RNF38: variants seen among roughly 807,000 people sequenced by gnomAD.
RNF38 encodes ring finger protein 38.
In RNF38, 15 loss-of-function variants were observed where a neutral mutation model predicts 67.2. The ratio of observed to expected loss-of-function variants is 0.22; its 90% CI spans 0.15 to 0.34. RNF38 has a LOEUF of 0.34. RNF38 is among the 10% of genes least tolerant of loss of function. RNF38 has a pLI of 1.00. For missense variants in RNF38, 524 were observed against 639.9 expected (o/e 0.82, Z 1.95); for synonymous variants, 220 against 218.8 (o/e 1.01, Z -0.05).
intron 1 of RNF38, among the ~76,000 whole-genome samples, chr9:36,483,483 T>C (rs1044398924): frequency 6.6e-6 from 1 of 152,102 alleles, no homozygotes; most frequent in Admixed American, 6.6e-5. Flanking sequence ...CTTCACAAAT[T>C]TCACTATCAG....
intron 2 of RNF38, among the ~76,000 whole-genome samples, chr9:36,378,657 G>A (rs1037134491): frequency 1.3e-5 from 2 of 152,110 alleles, no homozygotes; most frequent in African/African-American, 4.8e-5. Flanking sequence ...CACGATAAAG[G>A]TCAAATGACC....
At chr9:36,419,620 T>C (rs765843337) in intron 2 of RNF38, among the ~76,000 whole-genome samples, 1 of 152,158 alleles carries the variant, frequency 6.6e-6, no homozygotes, top group Non-Finnish European at 1.5e-5. Flanking sequence ...ACTGTGAAAA[T>C]GTGACTATTT....
chr9:36,357,251 C>A (rs1179636171), intron 5 of RNF38, among the ~76,000 whole-genome samples: 1 of 152,138 alleles, frequency 6.6e-6, no homozygotes, highest in Non-Finnish European at 1.5e-5. Context: ...GTCTCTACGG[C>A]ACTGAGCAAG....
chr9:36,425,895 G>A (rs561189184), intron 1 of RNF38, among the ~76,000 whole-genome samples: 9 of 152,174 alleles, frequency 5.9e-5, no homozygotes, highest in African/African-American at 7.2e-5. Flanking sequence ...ACGGGGTTTC[G>A]CCATGTTGGT....
chr9:36,415,174 A>T (rs1001209575), intron 2 of RNF38, among the ~76,000 whole-genome samples: 3 of 152,090 alleles, frequency 2.0e-5, no homozygotes, highest in African/African-American at 7.2e-5. Flanking sequence ...CCTCAACAAC[A>T]CCAATTATTC....
intron 1 of RNF38, among the ~76,000 whole-genome samples, chr9:36,438,133 G>T (rs1839112674): frequency 1.3e-5 from 2 of 152,266 alleles, no homozygotes; most frequent in Admixed American, 6.5e-5. Context: ...CAGAGACAGG[G>T]TCTATGTTGC....
intron 1 of RNF38, among the ~76,000 whole-genome samples, chr9:36,476,072 T>C (rs1338616536): frequency 1.3e-5 from 2 of 151,636 alleles, no homozygotes; most frequent in Non-Finnish European, 2.9e-5. Context: ...TAGATAATAG[T>C]TTACAATTAA....
rs1382580347 is a variant in RNF38, at chr9:36,365,671, T to TTG, written c.570+4047_570+4048insCA. Among the ~76,000 whole-genome samples the TTG allele has an allele frequency of 7.6e-4, 108 of 141,814 alleles. 1 individual carries two copies. Among genetic ancestry groups the TTG allele is most frequent in the Non-Finnish European group, 1.1e-3 (70 of 64,760 alleles). The allele number at this position is 141,814 out of a possible 152,430, so 93.0% of individuals were successfully genotyped here. A position where few individuals can be genotyped will look rare whatever the true frequency, so the allele number is the denominator to read the frequency against. ...TTTGTTAAGACTGATAGTTTTTTTT[T>TTG]TTTTTTTTTTTTGAGACGGAGCCTT... On this transcript the variant is annotated intron_variant, in intron 4 of 11. Transcript: ENST00000259605.
At chr9:36,395,250 A>G (rs12004629) in intron 1 of RNF38, among the ~76,000 whole-genome samples, 65 of 152,266 alleles carry the variant, frequency 4.3e-4, no homozygotes, top group African/African-American at 1.4e-3. Context: ...TCGCACTAAA[A>G]TTAGCACTTA....
intron 2 of RNF38, among the ~76,000 whole-genome samples, chr9:36,416,743 T>TTTTTTTTTG (rs1564054491): frequency 2.3e-4 from 8 of 34,102 alleles, no homozygotes; most frequent in African/African-American, 8.8e-4. Flanking sequence ...TGCCTCGATA[T>TTTTTTTTTG]TTTTTTTTTT....
chr9:36,460,237 C>T (rs931359706), intron 1 of RNF38, among the ~76,000 whole-genome samples: 2 of 152,090 alleles, frequency 1.3e-5, no homozygotes, highest in Non-Finnish European at 2.9e-5. Context: ...CTAGAAATTC[C>T]AATTATCTAA....
At chr9:36,380,496 G>A (rs563403145) in intron 2 of RNF38, among the ~76,000 whole-genome samples, 4 of 148,498 alleles carry the variant, frequency 2.7e-5, no homozygotes, top group South Asian at 2.1e-4. Context: ...CACTGCGCCC[G>A]GCCTGTTTTT....
intron 1 of RNF38, among the ~76,000 whole-genome samples, chr9:36,445,281 G>A (rs535652319): frequency 6.6e-6 from 1 of 152,328 alleles, no homozygotes; most frequent in Admixed American, 6.5e-5. Context: ...AAATTTGAAC[G>A]TAGCAGAGAA....
At chr9:36,400,535 C>T (rs1242077882), upstream of RNF38, 1 of 990,436 alleles carries the variant, frequency 1.0e-6, no homozygotes, top group Non-Finnish European at 1.2e-6. Flanking sequence ...CTGCAGCCAA[C>T]GGCCGCGGCG....
Position 36,356,343 on chromosome 9 carries a change from G to A in RNF38, c.869C>T (p.Pro290Leu), listed in dbSNP as rs1834104690. Residue 290 changes from proline to leucine, a missense_variant, in exon 6 of 12, where the codon CCA becomes CTA. Transcript: ENST00000259605. The stretch of plus-strand genomic sequence containing the variant: ...TGTTTGGAAAGGGACAAACTGGCCT[G>A]GTGGTGGCAAATGAGGAGGATGATG... ...SPHHPPHLPP[P>L]GQFVPFQTQQ... 1 of 1,614,080 alleles carries A rather than the reference G, an allele frequency of 6.2e-7. No individual in the cohort carries two copies. The highest frequency in any genetic ancestry group is 8.5e-7 in the Non-Finnish European group (1 of 1,180,002).
At chr9:36,400,438 C>A, upstream of RNF38, 1 of 1,080,936 alleles carries the variant, frequency 9.3e-7, no homozygotes, top group Non-Finnish European at 1.1e-6. Flanking sequence ...GAACAAAGAG[C>A]GCCGGGCGGC....
At chr9:36,475,424 T>A (rs1441675751) in intron 1 of RNF38, among the ~76,000 whole-genome samples, 1 of 151,724 alleles carries the variant, frequency 6.6e-6, no homozygotes, top group Non-Finnish European at 1.5e-5. Flanking sequence ...AGTGGCATCA[T>A]CTCAGCTCCT....
At position 36,337,886 on chromosome 9, in the gene RNF38, T is replaced by C. The variant is rs1832564152; in HGVS notation, c.*1866A>G. ...GTATGCAAAACCCTACTTGTAGGACTAGATAGAGGCAACAATGTCTCGCAA... is the reference window on the plus strand; with the variant it reads ...GTATGCAAAACCCTACTTGTAGGACCAGATAGAGGCAACAATGTCTCGCAA... On this transcript the variant is annotated 3_prime_UTR_variant, in exon 12 of 12. Coordinates refer to ENST00000259605, the MANE Select transcript of RNF38 (RefSeq NM_022781.5). The C allele has an allele frequency of 6.6e-6, 1 of 152,656 alleles. No homozygotes were observed. 9.5% of individuals were successfully genotyped at this position (152,656 alleles called of 1,614,324 possible).
chr9:36,391,048 T>G (rs1837043252), intron 1 of RNF38, among the ~76,000 whole-genome samples: 1 of 152,206 alleles, frequency 6.6e-6, no homozygotes, highest in African/African-American at 2.4e-5. Context: ...TTCCAAATAA[T>G]CATGCAAAGG....
Sources: allele counts gnomAD v4.1 joint callset (sites outside exome capture counted in the v4.1 genomes callset), GRCh38; gene constraint gnomAD v4.1.1; transcripts MANE v1.5; gene names NCBI Gene and HGNC (gene_info 2026-07-23, HGNC 2026-07-21).